EFHC1: variants seen among roughly 807,000 people sequenced by gnomAD.
EFHC1 encodes EF-hand domain containing 1, also known as EF-hand domain-containing protein 1.
Under a neutral mutation model 69.9 loss-of-function variants are expected in EFHC1, and 53 were observed. The observed-to-expected ratio is 0.76, with a 90% confidence interval of 0.61 to 0.95. The LOEUF is 0.95. Ranked by LOEUF, EFHC1 falls within the 40% of genes least tolerant of loss-of-function variation. EFHC1 has a pLI of 0.00. For missense variants in EFHC1, 739 were observed against 798.7 expected (o/e 0.93, Z 0.90); for synonymous variants, 256 against 278.4 (o/e 0.92, Z 0.80).
intron 8 of EFHC1, 76 bp from the exon 9 acceptor site, chr6:52,479,564 G>A: frequency 6.3e-7 from 1 of 1,592,004 alleles, no homozygotes; most frequent in Non-Finnish European, 8.6e-7. Context: ...TTTATCATTG[G>A]AGGGTTAATA....
chr6:52,453,616 C>G (rs1220780953), intron 4 of EFHC1: 3 of 1,235,596 alleles, frequency 2.4e-6, no homozygotes, highest in African/African-American at 1.6e-5. Context: ...TTTGAAGAAG[C>G]CTAGCCAAAA....
Position 52,495,409 on chromosome 6 carries a change from C to T in EFHC1, c.*3068C>T. 2.2e-6 allele frequency: 1 copy of T among 454,148 alleles called. No individual in the cohort carries two copies. The highest frequency in any genetic ancestry group is 4.4e-6 in the Non-Finnish European group (1 of 226,804). 28.1% of individuals were successfully genotyped at this position (454,148 alleles called of 1,614,324 possible). ...CTGATATTTTCTCCATCACTCTTGC[C>T]TCCTGTGGTAGAGGAGCTTTGGGCT... On this transcript the variant is annotated 3_prime_UTR_variant, in exon 11 of 11. Transcript: ENST00000371068.
intron 2 of EFHC1, among the ~76,000 whole-genome samples, chr6:52,427,278 TG>T (rs2113969466): frequency 6.6e-6 from 1 of 152,308 alleles, no homozygotes; most frequent in East Asian, 1.9e-4. Flanking sequence ...ACAGCCCTAC[TG>T]GAGCTGGCCC....
rs192745043 is a variant in EFHC1 at position 52,443,113 on chromosome 6, C to T, written c.573+4522C>T. Among the ~76,000 whole-genome samples the T allele has an allele frequency of 7.4e-3, 1,125 of 152,228 alleles. 21 individuals carry two copies. The highest frequency in any genetic ancestry group is 0.025 in the African/African-American group (1,024 of 41,532). On this transcript the variant is annotated intron_variant, in intron 3 of 10. Coordinates refer to ENST00000371068, the MANE Select transcript of EFHC1 (RefSeq NM_018100.4). The stretch of plus-strand genomic sequence containing the variant: ...TTGAGAAGTGTCTGTTCATATCCTT[C>T]GCCCACTTTTTGATGGGGTTGTTTT...
intron 1 of EFHC1, among the ~76,000 whole-genome samples, chr6:52,422,097 A>G (rs1398419503): frequency 6.6e-6 from 1 of 152,210 alleles, no homozygotes; most frequent in Non-Finnish European, 1.5e-5. Flanking sequence ...AGACATGCAG[A>G]TAAGAAGTTA....
At chr6:52,462,336 G>T (rs1765186633) in intron 5 of EFHC1, among the ~76,000 whole-genome samples, 2 of 151,522 alleles carry the variant, frequency 1.3e-5, no homozygotes, top group African/African-American at 4.8e-5. Flanking sequence ...ACTTAAGAAA[G>T]AAGAAAGATG....
intron 1 of EFHC1, among the ~76,000 whole-genome samples, chr6:52,422,763 G>A (rs1441869676): frequency 6.6e-6 from 1 of 152,060 alleles, no homozygotes; most frequent in Non-Finnish European, 1.5e-5. Flanking sequence ...ATAAAAATGT[G>A]TTCATTGTAA....
rs577595129 is a variant in EFHC1, at chr6:52,494,118, T to C, written c.*1777T>C. ...TCAAGTACAGATGCTCCTCTACTTA[T>C]GGGGCTATGTCTCAATAAACTCACG... On this transcript the variant is annotated 3_prime_UTR_variant, in exon 11 of 11. Transcript: ENST00000371068. 3.1e-5 allele frequency: 14 copies of C among 454,146 alleles called. No homozygotes were observed. Among genetic ancestry groups the C allele is most frequent in the Non-Finnish European group, 5.7e-5 (13 of 226,798 alleles). 28.1% of individuals were successfully genotyped at this position (454,146 alleles called of 1,614,324 possible).
At chr6:52,475,642 T>C (rs1765529961) in intron 7 of EFHC1, among the ~76,000 whole-genome samples, 1 of 152,256 alleles carries the variant, frequency 6.6e-6, no homozygotes, top group Non-Finnish European at 1.5e-5. Flanking sequence ...TATGAGTGCA[T>C]TTATTTTATA....
intron 7 of EFHC1, among the ~76,000 whole-genome samples, chr6:52,476,717 A>T: frequency 6.6e-6 from 1 of 152,144 alleles, no homozygotes; most frequent in East Asian, 1.9e-4. Flanking sequence ...AGTAGTCTTC[A>T]AAAGCGTCAA....
At chr6:52,459,966 G>A (rs781286915) in intron 5 of EFHC1, among the ~76,000 whole-genome samples, 7 of 152,122 alleles carry the variant, frequency 4.6e-5, no homozygotes, top group Non-Finnish European at 1.0e-4. Flanking sequence ...ATGAGCCACC[G>A]TACCCGGCTG....
intron 9 of EFHC1, chr6:52,486,028 G>C (rs372130046): frequency 6.2e-4 from 94 of 152,272 alleles, no homozygotes; most frequent in African/African-American, 2.2e-3. Context: ...CGCATCTTCT[G>C]TGCCTCTTAG....
At chr6:52,472,090 A>C (rs1214674380) in intron 7 of EFHC1, among the ~76,000 whole-genome samples, 2 of 151,916 alleles carry the variant, frequency 1.3e-5, no homozygotes, top group Non-Finnish European at 2.9e-5. Flanking sequence ...AATCAATCTA[A>C]TATGATTTAA....
intron 9 of EFHC1, chr6:52,482,781 T>C: frequency 2.5e-6 from 1 of 398,638 alleles, no homozygotes; most frequent in African/African-American, 2.1e-5. Context: ...TTTATGTTGA[T>C]AGGTTTGCCT....
intron 1 of EFHC1, 77 bp from the exon 2 acceptor site, chr6:52,423,866 ATAT>A: frequency 5.7e-6 from 9 of 1,588,838 alleles, no homozygotes; most frequent in Non-Finnish European, 7.7e-6. Context: ...GATTCAAGTT[ATAT>A]TTTTAAAAGT....
chr6:52,485,353 T>A (rs979503167), intron 9 of EFHC1: 2 of 152,218 alleles, frequency 1.3e-5, no homozygotes, highest in Admixed American at 1.3e-4. Flanking sequence ...TTAAGTTTTT[T>A]AAAATGTAGT....
At chr6:52,431,910 A>G (rs1309883912) in intron 2 of EFHC1, among the ~76,000 whole-genome samples, 2 of 152,148 alleles carry the variant, frequency 1.3e-5, no homozygotes, top group Admixed American at 6.5e-5. Context: ...TAGGATTATG[A>G]CATTTTCCTG....
At position 52,436,530 on chromosome 6, in the gene EFHC1, T is replaced by C. The variant is rs548378403; in HGVS notation, c.286-1774T>C. 6.6e-5 allele frequency among the ~76,000 whole-genome samples: 10 copies of C among 152,326 alleles called. No homozygotes were observed. In the East Asian group the frequency reaches 1.9e-3, roughly 29 times the overall value. On this transcript the variant is annotated intron_variant, in intron 2 of 10. Coordinates refer to ENST00000371068, the MANE Select transcript of EFHC1 (RefSeq NM_018100.4). ...CTATCTTGCCTGCTTAGAATCCCAT[T>C]CTAATACTTTCTCTCCTTGAAAAGA...
chr6:52,455,597 C>T (rs1020250661), intron 5 of EFHC1, among the ~76,000 whole-genome samples: 10 of 151,050 alleles, frequency 6.6e-5, no homozygotes, highest in East Asian at 3.9e-4. Flanking sequence ...GAGGTTGTGG[C>T]GAGCCAAGAT....
Sources: gnomAD v4.1 joint callset for allele counts (sites outside exome capture counted in the v4.1 genomes callset) on GRCh38, gnomAD v4.1.1 for gene constraint, MANE v1.5 for transcripts, NCBI Gene and HGNC (gene_info 2026-07-23, HGNC 2026-07-21) for gene names.